The following ZC3H13 variants were observed in gnomAD, a reference collection of about 807,000 sequenced individuals.
ZC3H13 encodes zinc finger CCCH domain-containing protein 13.
Under a neutral mutation model 204.1 loss-of-function variants are expected in ZC3H13, and 64 were observed. The observed-to-expected ratio is 0.31, with a 90% confidence interval of 0.26 to 0.39. ZC3H13 has a LOEUF of 0.39. Ranked by LOEUF, ZC3H13 falls within the 10% of genes least tolerant of loss-of-function variation. The probability of loss-of-function intolerance (pLI) is 1.00; values close to 1 mark genes in which losing one functional copy is unlikely to be tolerated. For missense variants in ZC3H13, 1,833 were observed against 2,082.7 expected (o/e 0.88, Z 2.33); for synonymous variants, 667 against 693.7 (o/e 0.96, Z 0.60).
intron 8 of ZC3H13, 67 bp downstream of exon 8, chr13:46,003,066 AACGGCT>A: frequency 3.3e-6 from 5 of 1,516,180 alleles, no homozygotes; most frequent in Non-Finnish European, 4.5e-6. Context: ...GCTAATGCCC[AACGGCT>A]TCTGAAAAGT....
intron 4 of ZC3H13, among the ~76,000 whole-genome samples, chr13:46,039,427 T>A (rs1028897182): frequency 6.6e-6 from 1 of 152,208 alleles, no homozygotes; most frequent in African/African-American, 2.4e-5. Flanking sequence ...GCATGTGTCA[T>A]CATGGAATAG....
chr13:46,030,918 C>G (rs1220007231), intron 4 of ZC3H13, among the ~76,000 whole-genome samples: 2 of 152,158 alleles, frequency 1.3e-5, no homozygotes, highest in African/African-American at 4.8e-5. Context: ...AAAACCCCAG[C>G]AAGTTACTTT....
chr13:45,968,609 C>T (rs1183667732), intron 14 of ZC3H13, 139 bp downstream of exon 14: 3 of 1,131,652 alleles, frequency 2.7e-6, no homozygotes, highest in Non-Finnish European at 3.6e-6. Context: ...GATAGGGCAG[C>T]TAAACTTTTC....
chr13:46,019,740 T>C (rs891039778), intron 5 of ZC3H13, among the ~76,000 whole-genome samples: 3 of 152,100 alleles, frequency 2.0e-5, no homozygotes, highest in Admixed American at 1.3e-4. Flanking sequence ...TGCACCACCA[T>C]GTCAGGCTAA....
In ZC3H13 at chr13:45,956,483, TA is replaced by T. The variant is rs1178425363; in HGVS notation, c.*643del. 6.6e-6 allele frequency: 1 copy of T among 151,994 alleles called. No individual in the cohort carries two copies. Among genetic ancestry groups the T allele is most frequent in the Non-Finnish European group, 1.5e-5 (1 of 67,964 alleles). 9.4% of individuals were successfully genotyped at this position (151,994 alleles called of 1,614,324 possible). On this transcript the variant is annotated 3_prime_UTR_variant, in exon 19 of 19. Coordinates refer to ENST00000679008, the MANE Select transcript of ZC3H13 (RefSeq NM_001330564.2). ...ATACATTTATTAAAAATAAAAATAG[TA>T]CACAATCTCTGATAACAAAAAAAGC...
intron 5 of ZC3H13, among the ~76,000 whole-genome samples, chr13:46,017,199 C>T (rs1332661246): frequency 2.0e-5 from 3 of 152,064 alleles, no homozygotes; most frequent in Non-Finnish European, 4.4e-5. Context: ...AGGAAAACAA[C>T]CAAGTTTTAA....
chr13:46,027,903 GAACA>G (rs1244650985), intron 4 of ZC3H13, among the ~76,000 whole-genome samples: 2 of 152,048 alleles, frequency 1.3e-5, no homozygotes, highest in Non-Finnish European at 2.9e-5. Flanking sequence ...AAACAAGTGA[GAACA>G]AAAACAGGAA....
rs2137872363 is a variant in ZC3H13 at position 45,967,891 on chromosome 13, C to T, written c.3934G>A (p.Glu1312Lys). 5 of 1,614,036 alleles carry T rather than the reference C, an allele frequency of 3.1e-6. No homozygotes were observed. The highest frequency in any genetic ancestry group is 2.2e-5 in the South Asian group (2 of 91,072). ...TGCCTCGTATCTCTCCTCTCTCTCT[C>T]GCGCTCTCTGTCGTGTTCATATCGA... ...RDRYEHDRERERERRDTRQRE... is the reference protein window; with the variant it reads ...RDRYEHDRERKRERRDTRQRE... Residue 1312 changes from glutamate to lysine, a missense_variant, in exon 15 of 19, where the codon GAG becomes AAG. This residue lies in a region of ZC3H13 where 1,574 missense variants were observed against 1,757.2 expected (regional missense o/e 0.90). Coordinates refer to ENST00000679008, the MANE Select transcript of ZC3H13 (RefSeq NM_001330564.2).
At chr13:46,011,348 T>C (rs2041549110) in intron 6 of ZC3H13, 67 bp downstream of exon 6, 60 of 1,422,660 alleles carry the variant, frequency 4.2e-5, no homozygotes, top group Non-Finnish European at 5.3e-5. Flanking sequence ...AGCAAGAAGC[T>C]GAGTTATCTG....
In ZC3H13 at chr13:46,044,989, G is replaced by C. The variant is rs1226281515; in HGVS notation, c.193C>G (p.Pro65Ala). 7.4e-6 allele frequency: 12 copies of C among 1,613,274 alleles called. No homozygotes were observed. The highest frequency in any genetic ancestry group is 1.0e-5 in the Non-Finnish European group (12 of 1,179,574). The change falls in exon 3 of 19, where the codon CCT becomes GCT. Residue 65 changes from proline (P) to alanine (A), a missense_variant. Physicochemically the swap from Pro to Ala is conservative, Grantham distance 27. This residue lies in a region of ZC3H13 where 1,574 missense variants were observed against 1,757.2 expected (regional missense o/e 0.90). Coordinates refer to ENST00000679008, the MANE Select transcript of ZC3H13 (RefSeq NM_001330564.2). ...TTGCTGCTATAACCTTTACCACGAG[G>C]TGAAGGGCCATGTACGAATCTACAT... ...NTCRFVHGPS[P>A]RGKGYSSNYR... is the part of the protein sequence containing the mutation.
chr13:45,962,056 A>G, intron 17 of ZC3H13: 2 of 575,760 alleles, frequency 3.5e-6, no homozygotes, highest in Non-Finnish European at 4.4e-6. Flanking sequence ...TTGAATAGAC[A>G]AAATGGAAAA....
chr13:45,982,008 TAA>T (rs1176948084), intron 10 of ZC3H13, among the ~76,000 whole-genome samples: 7 of 149,756 alleles, frequency 4.7e-5, no homozygotes, highest in Non-Finnish European at 7.4e-5. Flanking sequence ...CCCTAAAACT[TAA>T]AGTATAATAA....
intron 5 of ZC3H13, among the ~76,000 whole-genome samples, chr13:46,013,346 G>C (rs1449074323): frequency 6.6e-6 from 1 of 151,858 alleles, no homozygotes. Context: ...CCCGGGAGAC[G>C]GAGGTTGCAG....
intron 5 of ZC3H13, among the ~76,000 whole-genome samples, chr13:46,012,738 G>A (rs1190864952): frequency 6.6e-6 from 1 of 152,054 alleles, no homozygotes; most frequent in Non-Finnish European, 1.5e-5. Flanking sequence ...TTAATTAAGG[G>A]CAAGTAGTTT....
At chr13:46,046,348 T>G (rs940128864) in intron 1 of ZC3H13, among the ~76,000 whole-genome samples, 1 of 152,046 alleles carries the variant, frequency 6.6e-6, no homozygotes, top group Non-Finnish European at 1.5e-5. Context: ...TCTGTTAGAT[T>G]TGATGTAAAC....
intron 4 of ZC3H13, among the ~76,000 whole-genome samples, chr13:46,032,219 C>G (rs1028450557): frequency 6.6e-6 from 1 of 152,166 alleles, no homozygotes. Context: ...TTACCATTAA[C>G]TTTTGCTGTG....
In ZC3H13 at chr13:45,975,066, A is replaced by G. The variant is rs562074675; in HGVS notation, c.2468+217T>C. ...TTGCCATGTTGCCCAGGCTGGTCTCAAACTCCTGGCCTGAAGGAATCTGCC... is the reference window on the plus strand; with the variant it reads ...TTGCCATGTTGCCCAGGCTGGTCTCGAACTCCTGGCCTGAAGGAATCTGCC... On this transcript the variant is annotated intron_variant, in intron 12 of 18. Transcript: ENST00000679008. Among the ~76,000 whole-genome samples, 13 of 152,130 alleles carry G rather than the reference A, an allele frequency of 8.5e-5. No homozygotes were observed. In the East Asian group the frequency reaches 2.5e-3, roughly 29 times the overall value.
At chr13:46,025,815 T>C (rs987737268) in intron 4 of ZC3H13, among the ~76,000 whole-genome samples, 23 of 152,210 alleles carry the variant, frequency 1.5e-4, no homozygotes, top group Non-Finnish European at 2.9e-4. Context: ...GAAGCAACTA[T>C]TATTAATTTT....
At chr13:45,958,834 T>G (rs1206193006) in intron 18 of ZC3H13, among the ~76,000 whole-genome samples, 1 of 151,884 alleles carries the variant, frequency 6.6e-6, no homozygotes. Context: ...TTTTGTATTT[T>G]TAGTAGAGAC....
Sources: allele counts gnomAD v4.1 joint callset (sites outside exome capture counted in the v4.1 genomes callset), GRCh38; gene constraint gnomAD v4.1.1; regional missense constraint gnomAD v4.1.1; transcripts MANE v1.5; gene names NCBI Gene and HGNC (gene_info 2026-07-23, HGNC 2026-07-21).